ANGEL2: variants seen among roughly 807,000 people sequenced by gnomAD.
ANGEL2 encodes angel homolog 2.
A neutral mutation model predicts 66.0 loss-of-function variants in ANGEL2; 41 were observed. The ratio of observed to expected loss-of-function variants is 0.62; its 90% CI spans 0.48 to 0.81. The LOEUF is 0.81. Ranked by LOEUF, ANGEL2 falls within the 30% of genes least tolerant of loss-of-function variation. The pLI is 0.00. For missense variants in ANGEL2, 561 were observed against 641.6 expected, an observed-to-expected ratio of 0.87 and a Z score of 1.36; for synonymous variants, 208 against 226.5, an observed-to-expected ratio of 0.92 and a Z score of 0.73.
rs771529858 is a variant in ANGEL2, at chr1:213,013,377, T to A, written c.101A>T (p.Asp34Val). 1 of 1,614,128 alleles carries A rather than the reference T, an allele frequency of 6.2e-7. No individual in the cohort carries two copies. Residue 34 changes from aspartate to valine, a missense_variant, in exon 2 of 9, where the codon GAC becomes GTC. Coordinates refer to ENST00000366962, the MANE Select transcript of ANGEL2 (RefSeq NM_144567.5). Reference protein sequence around the residue: ...FPHHSRSLGRDWTTPWENLQR... With the variant: ...FPHHSRSLGRVWTTPWENLQR... Reference sequence around the variant, plus strand: ...CAGATTCTCCCACGGTGTAGTCCAGTCTCTGCCCAGACTCCTCGAGTGATG... The same window carrying A: ...CAGATTCTCCCACGGTGTAGTCCAGACTCTGCCCAGACTCCTCGAGTGATG...
At position 213,015,772 on chromosome 1, in the gene ANGEL2, T is replaced by A; in HGVS notation, c.-101A>T. 1 of 1,517,890 alleles carries A rather than the reference T, an allele frequency of 6.6e-7. No individual in the cohort carries two copies. The highest frequency in any genetic ancestry group is 9.1e-7 in the Non-Finnish European group (1 of 1,101,400). 94.0% of individuals were successfully genotyped at this position (1,517,890 alleles called of 1,614,324 possible). On this transcript the variant is annotated 5_prime_UTR_variant, in exon 1 of 9. Coordinates refer to ENST00000366962, the MANE Select transcript of ANGEL2 (RefSeq NM_144567.5). ...AGTATCTAGGGAACCCCATCACTCT[T>A]AAGTACCGACTCCAGTCCTGGCTGC...
intron 1 of ANGEL2, 89 bp downstream of exon 1, chr1:213,015,524 G>A (rs1301894627): frequency 8.3e-6 from 3 of 363,398 alleles, no homozygotes; most frequent in Non-Finnish European, 1.3e-5. Flanking sequence ...AGCCCGCCCC[G>A]CCCCGCCCCG....
intron 8 of ANGEL2, 146 bp downstream of exon 8, chr1:212,997,009 A>G (rs2076042950): frequency 1.4e-6 from 1 of 700,900 alleles, no homozygotes; most frequent in Admixed American, 3.0e-5. Context: ...TTATTCAAAT[A>G]TATTACCAAT....
intron 2 of ANGEL2, among the ~76,000 whole-genome samples, chr1:213,011,001 C>G (rs1394495124): frequency 3.9e-5 from 6 of 152,118 alleles, no homozygotes; most frequent in Non-Finnish European, 7.4e-5. Context: ...CATGGAACAC[C>G]AATCCCTGGC....
At chr1:212,999,859 T>C (rs1182875115) in intron 7 of ANGEL2, among the ~76,000 whole-genome samples, 1 of 152,236 alleles carries the variant, frequency 6.6e-6, no homozygotes, top group East Asian at 1.9e-4. Flanking sequence ...AATTCTCTTA[T>C]AGATGGTTTT....
intron 2 of ANGEL2, among the ~76,000 whole-genome samples, chr1:213,011,979 G>A (rs1351276229): frequency 1.3e-5 from 2 of 152,152 alleles, no homozygotes; most frequent in African/African-American, 2.4e-5. Flanking sequence ...ATCTCCCTAT[G>A]CTGTGGTTAA....
At chr1:213,006,965 A>C in intron 4 of ANGEL2, 164 bp downstream of exon 4, 1 of 527,348 alleles carries the variant, frequency 1.9e-6, no homozygotes, top group Non-Finnish European at 3.3e-6. Context: ...ATGGTGGCAC[A>C]CATCTCTAGT....
At chr1:213,009,842 G>A (rs968027200) in intron 2 of ANGEL2, among the ~76,000 whole-genome samples, 2 of 151,752 alleles carry the variant, frequency 1.3e-5, no homozygotes, top group African/African-American at 2.4e-5. Context: ...CCTGAGGTCA[G>A]GAGTTCGAGA....
intron 5 of ANGEL2, among the ~76,000 whole-genome samples, chr1:213,002,613 T>C (rs563348029): frequency 1.3e-5 from 2 of 152,310 alleles, no homozygotes; most frequent in Non-Finnish European, 2.9e-5. Context: ...TATAAAGTGG[T>C]TTCATCCACA....
intron 1 of ANGEL2, chr1:213,015,072 T>C: frequency 1.0e-6 from 1 of 967,140 alleles, no homozygotes; most frequent in Non-Finnish European, 1.2e-6. Flanking sequence ...ATCCAGTAAA[T>C]AATACACGTG....
rs1485360803 is a variant in ANGEL2 at position 213,008,270 on chromosome 1, T to C, written c.582A>G (p.Val194=). Residue 194 remains valine, a synonymous_variant, in exon 3 of 9, where the codon GTA becomes GTG. Coordinates refer to ENST00000366962, the MANE Select transcript of ANGEL2 (RefSeq NM_144567.5). ...SHLYRHCRRP[V]LHWSFRFPNI... is the part of the protein sequence containing the mutation. ...TGGGAAACCTAAAACTCCAGTGTAA[T>C]ACTGGCCGCCGGCAATGTCTATAAA... is the stretch of plus-strand genomic sequence containing the variant. 4 of 1,614,042 alleles carry C rather than the reference T, an allele frequency of 2.5e-6. No homozygotes were observed. The highest frequency in any genetic ancestry group is 3.3e-5 in the Admixed American group (2 of 60,016).
Position 212,994,881 on chromosome 1 carries a change from A to G in ANGEL2, c.*160T>C, listed in dbSNP as rs1439200580. ...TTTTTCATTATTAAAAAAAATTGTTATAAAGTTATTTCTTCTGATATGGAG... is the reference window on the plus strand; with the variant it reads ...TTTTTCATTATTAAAAAAAATTGTTGTAAAGTTATTTCTTCTGATATGGAG... On this transcript the variant is annotated 3_prime_UTR_variant, in exon 9 of 9. Coordinates refer to ENST00000366962, the MANE Select transcript of ANGEL2 (RefSeq NM_144567.5). 3 of 538,418 alleles carry G rather than the reference A, an allele frequency of 5.6e-6. No homozygotes were observed. 33.4% of individuals were successfully genotyped at this position (538,418 alleles called of 1,614,324 possible). A position where few individuals can be genotyped will look rare whatever the true frequency, so the allele number is the denominator to read the frequency against.
intron 5 of ANGEL2, among the ~76,000 whole-genome samples, chr1:213,004,794 G>T (rs1470330579): frequency 6.6e-6 from 1 of 150,548 alleles, no homozygotes; most frequent in African/African-American, 2.4e-5. Context: ...CTTGAACCCG[G>T]GAGGTGGAGC....
chr1:213,013,971 T>C (rs2076573383), intron 1 of ANGEL2, among the ~76,000 whole-genome samples: 1 of 152,204 alleles, frequency 6.6e-6, no homozygotes, highest in Non-Finnish European at 1.5e-5. Flanking sequence ...AAACTACTTC[T>C]CTTACTAATC....
Position 213,005,472 on chromosome 1 carries a change from A to T in ANGEL2, c.713-18T>A. ...GTGATAACCTACAAGAAACAAATGA[A>T]TTTAAAACAAATGACTGCTTTTATA... On this transcript the variant is annotated intron_variant, in intron 4 of 8. Transcript: ENST00000366962. 6.5e-7 allele frequency: 1 copy of T among 1,546,846 alleles called. No individual in the cohort carries two copies. The highest frequency in any genetic ancestry group is 1.3e-5 in the South Asian group (1 of 79,648).
chr1:213,002,917 CA>C (rs3056224), intron 5 of ANGEL2, among the ~76,000 whole-genome samples: 34,671 of 110,390 alleles, frequency 0.31, 4,493 homozygotes, highest in Admixed American at 0.44. Flanking sequence ...GATCCTGTCT[CA>C]AAAAAAAAAA....
At chr1:213,008,519 A>G in intron 2 of ANGEL2, 53 bp from the exon 3 acceptor site, 1 of 1,555,928 alleles carries the variant, frequency 6.4e-7, no homozygotes, top group East Asian at 2.2e-5. Flanking sequence ...CAGACCATAC[A>G]GTTTCCCACA....
chr1:212,997,442 A>T, intron 7 of ANGEL2, 124 bp from the exon 8 acceptor site: 1 of 760,706 alleles, frequency 1.3e-6, no homozygotes, highest in South Asian at 2.2e-5. Flanking sequence ...GCTTTATTTA[A>T]AAAGACCATA....
At position 213,008,280 on chromosome 1, in the gene ANGEL2, C is replaced by A; in HGVS notation, c.572G>T (p.Arg191Leu). The A allele has an allele frequency of 6.2e-7, 1 of 1,613,954 alleles. No individual in the cohort carries two copies. Among genetic ancestry groups the A allele is most frequent in the Non-Finnish European group, 8.5e-7 (1 of 1,179,836 alleles). The change falls in exon 3 of 9, where the codon CGG becomes CTG. Residue 191 changes from arginine to leucine, a missense_variant. Transcript: ENST00000366962. ...EDNSHLYRHC[R>L]RPVLHWSFRF... is the part of the protein sequence containing the mutation. ...AAAACTCCAGTGTAATACTGGCCGCCGGCAATGTCTATAAAGGTGAGAGTT... is the reference window on the plus strand; with the variant it reads ...AAAACTCCAGTGTAATACTGGCCGCAGGCAATGTCTATAAAGGTGAGAGTT...
Sources: gnomAD v4.1 joint callset for allele counts (sites outside exome capture counted in the v4.1 genomes callset) on GRCh38, gnomAD v4.1.1 for gene constraint, MANE v1.5 for transcripts, NCBI Gene and HGNC (gene_info 2026-07-23, HGNC 2026-07-21) for gene names.